The following NBEAL2 variants were observed in gnomAD, a reference collection of about 807,000 sequenced individuals.
The protein encoded by NBEAL2 is neurobeachin like 2.
In NBEAL2, 160 loss-of-function variants were observed where a neutral mutation model predicts 299.8. The observed-to-expected ratio is 0.53, with a 90% CI of 0.47 to 0.61. NBEAL2 has a LOEUF of 0.61. Among genes scored for constraint, NBEAL2 ranks in the 20% least tolerant of loss-of-function variants. NBEAL2 has a pLI of 0.00. For synonymous variants in NBEAL2, 1,493 were observed against 1,542.3 expected, an observed-to-expected ratio of 0.97 and a Z score of 0.75; for missense variants, 3,112 against 3,649.0, an observed-to-expected ratio of 0.85 and a Z score of 3.79.
chr3:46,988,947 C>T lies in NBEAL2; in HGVS notation c.246C>T (p.Leu82=), dbSNP rs1345803932. ...ACCTGGAGCAAGCCCTCCTGCTGCT[C>T]AAGCTCTTCATCATTCTCTGCAGGT... ...QADLEQALLL[L]KLFIILCRNL... Residue 82 remains leucine, a synonymous_variant, in exon 3 of 54, where the codon CTC becomes CTT. Transcript: ENST00000450053. The surrounding 1 kb of genome is among the most constrained non-coding windows in gnomAD (Gnocchi z 4.4). The T allele has an allele frequency of 2.5e-6, 4 of 1,612,616 alleles. No individual in the cohort carries two copies. Among genetic ancestry groups the T allele is most frequent in the Non-Finnish European group, 3.4e-6 (4 of 1,179,120 alleles).
intron 49 of NBEAL2, 68 bp from the exon 50 acceptor site, chr3:47,008,002 G>C: frequency 6.3e-7 from 1 of 1,588,128 alleles, no homozygotes; most frequent in Non-Finnish European, 8.6e-7. Flanking sequence ...TCCTCCTCTA[G>C]TCTTGGACAA....
chr3:47,009,277 T>A lies in NBEAL2; in HGVS notation c.8222T>A (p.Val2741Glu). The A allele has an allele frequency of 6.2e-7, 1 of 1,602,144 alleles. No homozygotes were observed. The highest frequency in any genetic ancestry group is 8.5e-7 in the Non-Finnish European group (1 of 1,175,618). The part of the protein sequence containing the change: ...LWRSSRRISQ[V>E]SSGETEYNPT... ...CGGTCCTCGCGGCGCATCTCCCAGG[T>A]GTCCTCGGGAGAGACGGAATACAAC... Residue 2741 changes from valine to glutamate, a missense_variant, in exon 54 of 54, where the codon GTG becomes GAG. Coordinates refer to ENST00000450053, the MANE Select transcript of NBEAL2 (RefSeq NM_015175.3).
rs1212942814 is a variant in NBEAL2, at chr3:47,007,936, G to A, written c.7602+26G>A. On this transcript the variant is annotated intron_variant, in intron 49 of 53. Coordinates refer to ENST00000450053, the MANE Select transcript of NBEAL2 (RefSeq NM_015175.3). ...GTGTGCCTCGTGGGCAGCTCTGTGG[G>A]GCCCCCGTAGCCCAGACCTGCAGCC... The A allele has an allele frequency of 3.1e-6, 5 of 1,603,952 alleles. No individual in the cohort carries two copies. In the African/African-American group the frequency reaches 6.7e-5, roughly 21 times the overall value.
rs1244665686 is a variant in NBEAL2 at position 47,009,593 on chromosome 3, C to A, written c.*273C>A. 6.4e-6 allele frequency: 3 copies of A among 466,876 alleles called. No homozygotes were observed. The Admixed American group carries it at 1.2e-4, about 19-fold the overall frequency. The allele number at this position is 466,876 out of a possible 1,614,324, so 28.9% of individuals were successfully genotyped here. A position where few individuals can be genotyped will look rare whatever the true frequency, so the allele number is the denominator to read the frequency against. On this transcript the variant is annotated 3_prime_UTR_variant, in exon 54 of 54. Coordinates refer to ENST00000450053, the MANE Select transcript of NBEAL2 (RefSeq NM_015175.3). ...TTGCACAGTCTGGGGCGGGGTTCCC[C>A]GGCTTCCAAGTCGCTGTTTCGTCAA...
chr3:46,998,344 G>A lies in NBEAL2; in HGVS notation c.3118+118G>A, dbSNP rs987845668. ...TGTTAGGAATCCAGAATGCCATGGGGCGGCTGAGGGGACTATGACCCTGCC... is the reference window on the plus strand; with the variant it reads ...TGTTAGGAATCCAGAATGCCATGGGACGGCTGAGGGGACTATGACCCTGCC... On this transcript the variant is annotated intron_variant, in intron 21 of 53. Coordinates refer to ENST00000450053, the MANE Select transcript of NBEAL2 (RefSeq NM_015175.3). 4 of 1,511,552 alleles carry A rather than the reference G, an allele frequency of 2.6e-6. No individual in the cohort carries two copies. The African/African-American group carries it at 5.5e-5, about 21-fold the overall frequency. 93.6% of individuals were successfully genotyped at this position (1,511,552 alleles called of 1,614,324 possible). A position where few individuals can be genotyped will look rare whatever the true frequency, so the allele number is the denominator to read the frequency against.
Position 47,003,249 on chromosome 3 carries a change from C to T in NBEAL2, c.5660C>T (p.Pro1887Leu), listed in dbSNP as rs202203116. Reference sequence around the variant, plus strand: ...ACCAAAGAGGCCAAAGTGAGCACCCCACCCGAGTTGCTGCAGGAGGACCAG... The same window carrying T: ...ACCAAAGAGGCCAAAGTGAGCACCCTACCCGAGTTGCTGCAGGAGGACCAG... Reference protein sequence around the residue: ...AVTKEAKVSTPPELLQEDQLG... With the variant: ...AVTKEAKVSTLPELLQEDQLG... Residue 1887 changes from proline to leucine, a missense_variant, in exon 35 of 54, where the codon CCA becomes CTA. Coordinates refer to ENST00000450053, the MANE Select transcript of NBEAL2 (RefSeq NM_015175.3). This position sits in a 1 kb window ranked among gnomAD's most constrained non-coding sequence, Gnocchi z 7.0. The T allele has an allele frequency of 5.1e-5, 83 of 1,613,070 alleles. No individual in the cohort carries two copies. Among genetic ancestry groups the T allele is most frequent in the Non-Finnish European group, 6.3e-5 (74 of 1,179,796 alleles).
In NBEAL2 at chr3:47,004,521, C is replaced by T. The variant is rs752496384; in HGVS notation, c.6225C>T (p.Asn2075=). ...TQKWVQREIS[N]FEYLMQLNTI... ...AATGGGTACAGCGTGAGATATCCAACTTCGAGTACTTGATGCAACTCAACA... is the reference window on the plus strand; with the variant it reads ...AATGGGTACAGCGTGAGATATCCAATTTCGAGTACTTGATGCAACTCAACA... Residue 2075 remains asparagine (N), a synonymous_variant, in exon 38 of 54, where the codon AAC becomes AAT. Transcript: ENST00000450053. The surrounding 1 kb of genome is among the most constrained non-coding windows in gnomAD (Gnocchi z 5.0). 6.2e-7 allele frequency: 1 copy of T among 1,613,852 alleles called. No individual in the cohort carries two copies. Among genetic ancestry groups the T allele is most frequent in the Non-Finnish European group, 8.5e-7 (1 of 1,179,842 alleles).
chr3:47,002,660 C>A lies in NBEAL2; in HGVS notation c.5317C>A (p.Pro1773Thr), dbSNP rs1462339869. The change falls in exon 33 of 54, where the codon CCT becomes ACT. Residue 1773 changes from proline to threonine, a missense_variant. Transcript: ENST00000450053. ...RRAFQELVLE[P>T]AQRRARLEGL... ...CCCACCCCAGGAGCTGGTGCTGGAA[C>A]CTGCGCAGAGGCGGGCGCGCCTGGA... 4.3e-6 allele frequency: 7 copies of A among 1,609,916 alleles called. No individual in the cohort carries two copies. The Admixed American group carries it at 1.2e-4, about 27-fold the overall frequency.
chr3:47,004,965 T>C lies in NBEAL2; in HGVS notation c.6295-7T>C. The C allele has an allele frequency of 6.2e-7, 1 of 1,602,812 alleles. No homozygotes were observed. Among genetic ancestry groups the C allele is most frequent in the Non-Finnish European group, 8.5e-7 (1 of 1,175,144 alleles). On this transcript the variant is annotated splice_polypyrimidine_tract_variant and splice_region_variant and intron_variant, in intron 38 of 53. Coordinates refer to ENST00000450053, the MANE Select transcript of NBEAL2 (RefSeq NM_015175.3). This position sits in a 1 kb window ranked among gnomAD's most constrained non-coding sequence, Gnocchi z 5.0. ...CTCATGCAGCCCCTGCTCGGGTGGG[T>C]GGCCAGTTCCCCTGGGTCCTGCAGG...
In NBEAL2 at chr3:47,004,936, G is replaced by A. The variant is rs2037311801; in HGVS notation, c.6295-36G>A. On this transcript the variant is annotated intron_variant, in intron 38 of 53. Coordinates refer to ENST00000450053, the MANE Select transcript of NBEAL2 (RefSeq NM_015175.3). This position sits in a 1 kb window ranked among gnomAD's most constrained non-coding sequence, Gnocchi z 5.0. Reference sequence around the variant, plus strand: ...GCAGGGTGGGCTGGTAGGCCATCAGGGCCCTCATGCAGCCCCTGCTCGGGT... The same window carrying A: ...GCAGGGTGGGCTGGTAGGCCATCAGAGCCCTCATGCAGCCCCTGCTCGGGT... The A allele has an allele frequency of 1.9e-6, 3 of 1,583,204 alleles. No individual in the cohort carries two copies. Among genetic ancestry groups the A allele is most frequent in the African/African-American group, 1.3e-5 (1 of 74,122 alleles).
chr3:46,996,292 G>A lies in NBEAL2; in HGVS notation c.2173G>A (p.Gly725Ser), dbSNP rs779841501. The change falls in exon 16 of 54, where the codon GGC becomes AGC. Residue 725 changes from glycine to serine, a missense_variant. Physicochemically the swap from Gly to Ser is moderately conservative, Grantham distance 56. This residue lies in a region of NBEAL2 where 2,243 missense variants were observed against 2,538.1 expected (regional missense o/e 0.88). Transcript: ENST00000450053. ...ACAGCCTTTCTCCTCCTGCTGTATC[G>A]GCTCCGCTGGATACCGCACAACGAC... ...LSEPFSSCCI[G>S]SAGYRTTTTT... 7.5e-6 allele frequency: 12 copies of A among 1,608,208 alleles called. No homozygotes were observed. The highest frequency in any genetic ancestry group is 2.2e-5 in the East Asian group (1 of 44,882).
chr3:47,003,420 G>A lies in NBEAL2; in HGVS notation c.5720+111G>A, dbSNP rs560837971. The stretch of plus-strand genomic sequence containing the variant: ...CTGAGTGTGTCCTCTTCTGCTGCCC[G>A]ACTACGTCCCCCTGAAGGGACTGTC... On this transcript the variant is annotated intron_variant, in intron 35 of 53. Coordinates refer to ENST00000450053, the MANE Select transcript of NBEAL2 (RefSeq NM_015175.3). The surrounding 1 kb of genome is among the most constrained non-coding windows in gnomAD (Gnocchi z 7.0). 7.6e-6 allele frequency: 11 copies of A among 1,439,882 alleles called. No individual in the cohort carries two copies. Among genetic ancestry groups the A allele is most frequent in the Middle Eastern group, 2.6e-4 (1 of 3,916 alleles). 89.2% of individuals were successfully genotyped at this position (1,439,882 alleles called of 1,614,324 possible). A position where few individuals can be genotyped will look rare whatever the true frequency, so the allele number is the denominator to read the frequency against.
At position 47,004,587 on chromosome 3, in the gene NBEAL2, T is replaced by C. The variant is rs767457758; in HGVS notation, c.6291T>C (p.Pro2097=). The C allele has an allele frequency of 6.2e-6, 10 of 1,613,304 alleles. No homozygotes were observed. The highest frequency in any genetic ancestry group is 1.7e-4 in the Middle Eastern group (1 of 6,060). ...CCTACAATGACCTGTCTCAGTACCCTGTGGTGAGGGTCCCACTCTGCACCC... is the reference window on the plus strand; with the variant it reads ...CCTACAATGACCTGTCTCAGTACCCCGTGGTGAGGGTCCCACTCTGCACCC... ...GRTYNDLSQY[P]VFPWVLQDYV... The change falls in exon 38 of 54, where the codon CCT becomes CCC. Residue 2097 remains proline (P), a synonymous_variant. Transcript: ENST00000450053. This position sits in a 1 kb window ranked among gnomAD's most constrained non-coding sequence, Gnocchi z 5.0.
In NBEAL2 at chr3:46,979,841, G is replaced by A. The variant is rs765842729; in HGVS notation, c.-21G>A. 40 of 436,498 alleles carry A rather than the reference G, an allele frequency of 9.2e-5. No individual in the cohort carries two copies. The South Asian group carries it at 1.8e-3, about 20-fold the overall frequency. 27.0% of individuals were successfully genotyped at this position (436,498 alleles called of 1,614,324 possible). ...AGGCGGCGACAGGTGGCGCGCAGCAGGGCCGGAGCCGGGCCGGGCCATGGC... is the reference window on the plus strand; with the variant it reads ...AGGCGGCGACAGGTGGCGCGCAGCAAGGCCGGAGCCGGGCCGGGCCATGGC... On this transcript the variant is annotated 5_prime_UTR_variant, in exon 1 of 54. Coordinates refer to ENST00000450053, the MANE Select transcript of NBEAL2 (RefSeq NM_015175.3).
Position 47,007,133 on chromosome 3 carries a change from C to A in NBEAL2, c.7202C>A (p.Thr2401Asn), listed in dbSNP as rs776486975. ...CACCGGCAGCCCCACTCCTTCATCA[C>A]CCAGGGTTCCCCAGACCTGTTGGTA... The part of the protein sequence containing the change: ...VPHRQPHSFI[T>N]QGSPDLLVTV... Residue 2401 changes from threonine to asparagine, a missense_variant, in exon 46 of 54, where the codon ACC (threonine) becomes AAC (asparagine). Physicochemically the swap from Thr to Asn is moderately conservative, Grantham distance 65 (BLOSUM62 0). This residue lies in a region of NBEAL2 where 521 missense variants were observed against 729.6 expected (regional missense o/e 0.71). Coordinates refer to ENST00000450053, the MANE Select transcript of NBEAL2 (RefSeq NM_015175.3). 3 of 1,613,612 alleles carry A rather than the reference C, an allele frequency of 1.9e-6. No individual in the cohort carries two copies. In the African/African-American group the frequency reaches 4.0e-5, roughly 22 times the overall value.
In NBEAL2 at chr3:47,005,942, T is replaced by G. The variant is rs1223295466; in HGVS notation, c.6802-4T>G. 1 of 1,613,284 alleles carries G rather than the reference T, an allele frequency of 6.2e-7. No homozygotes were observed. The highest frequency in any genetic ancestry group is 8.5e-7 in the Non-Finnish European group (1 of 1,179,716). ...TGCACTGATTGCTGCCTCCCTACTC[T>G]CAGGAGTCGGAGTATGTGTCTGCAC... On this transcript the variant is annotated splice_polypyrimidine_tract_variant and splice_region_variant and intron_variant, in intron 42 of 53. Transcript: ENST00000450053.
In NBEAL2 at chr3:46,999,728, G is replaced by A. The variant is rs1003658322; in HGVS notation, c.3789+13G>A. On this transcript the variant is annotated intron_variant, in intron 26 of 53. Transcript: ENST00000450053. The stretch of plus-strand genomic sequence containing the variant: ...CATCTGTCGCCAGGTGAGCATGAGA[G>A]GTAAAAGCTTTGGGGGAGGGGGAGG... The A allele has an allele frequency of 1.2e-6, 2 of 1,611,658 alleles. No individual in the cohort carries two copies. The highest frequency in any genetic ancestry group is 1.3e-5 in the African/African-American group (1 of 74,978).
In NBEAL2 at chr3:46,996,308, G is replaced by A. The variant is rs771000352; in HGVS notation, c.2189G>A (p.Arg730His). 9.9e-6 allele frequency: 16 copies of A among 1,609,768 alleles called. No individual in the cohort carries two copies. Among genetic ancestry groups the A allele is most frequent in the Admixed American group, 8.3e-5 (5 of 59,998 alleles). ...TGCTGTATCGGCTCCGCTGGATACCGCACAACGACCACCACCACAGGGCTG... is the reference window on the plus strand; with the variant it reads ...TGCTGTATCGGCTCCGCTGGATACCACACAACGACCACCACCACAGGGCTG... ...SSCCIGSAGY[R>H]TTTTTTGLPT... Residue 730 changes from arginine (R) to histidine (H), a missense_variant, in exon 16 of 54, where the codon CGC becomes CAC. Arg to His is a conservative substitution (Grantham distance 29). Around this residue, in one of 3 missense-constraint regions of NBEAL2, gnomAD observed 2,243 missense variants for 2,538.1 expected, o/e 0.88. Coordinates refer to ENST00000450053, the MANE Select transcript of NBEAL2 (RefSeq NM_015175.3).
At position 46,998,180 on chromosome 3, in the gene NBEAL2, C is replaced by T. The variant is rs2036644552; in HGVS notation, c.3072C>T (p.Leu1024=). 2 of 1,609,254 alleles carry T rather than the reference C, an allele frequency of 1.2e-6. No individual in the cohort carries two copies. ...PLLYLLYQHL[L]FNFHLWTLSD... is the part of the protein sequence containing the mutation. ...TGTACCTACTCTACCAGCATTTGCT[C>T]TTCAACTTTCACCTCTGGACCCTCA... Residue 1024 remains leucine, a synonymous_variant, in exon 21 of 54, where the codon CTC becomes CTT. Transcript: ENST00000450053.
Sources: gnomAD v4.1 joint callset for allele counts on GRCh38, gnomAD v4.1.1 for gene constraint, gnomAD v4.1.1 regional missense constraint, Gnocchi (gnomAD v3.1) non-coding constraint, MANE v1.5 for transcripts, NCBI Gene and HGNC (gene_info 2026-07-23, HGNC 2026-07-21) for gene names.